EPS15L1: variants seen among roughly 807,000 people sequenced by gnomAD.
The protein encoded by EPS15L1 is epidermal growth factor receptor pathway substrate 15 like 1.
In EPS15L1, 43 loss-of-function variants were observed where a neutral mutation model predicts 117.1. The ratio of observed to expected loss-of-function variants is 0.37; its 90% CI spans 0.29 to 0.47. EPS15L1 has a LOEUF of 0.47. Ranked by LOEUF, EPS15L1 falls within the 20% of genes least tolerant of loss-of-function variation. EPS15L1 has a pLI of 0.99. For missense variants in EPS15L1, 981 were observed against 1,164.0 expected (o/e 0.84, Z 2.29); for synonymous variants, 459 against 470.5 (o/e 0.98, Z 0.32).
intron 13 of EPS15L1, among the ~76,000 whole-genome samples, chr19:16,408,382 T>C (rs923949019): frequency 3.3e-5 from 5 of 152,094 alleles, no homozygotes; most frequent in African/African-American, 1.2e-4. Context: ...CCAGCACTTT[T>C]GGAGGCCAAG....
At chr19:16,423,297 T>C (rs905839866) in intron 9 of EPS15L1, among the ~76,000 whole-genome samples, 1 of 152,044 alleles carries the variant, frequency 6.6e-6, no homozygotes, top group African/African-American at 2.4e-5. Context: ...CCAGGCACAG[T>C]GCTCATGCCT....
At chr19:16,414,156 T>C (rs949506771) in intron 12 of EPS15L1, among the ~76,000 whole-genome samples, 8 of 152,048 alleles carry the variant, frequency 5.3e-5, no homozygotes, top group African/African-American at 1.7e-4. Context: ...TTGCTGACTT[T>C]GAAGGTGGAG....
Position 16,471,904 on chromosome 19 carries a change from G to A in EPS15L1, c.33+9C>T. 7.7e-7 allele frequency: 1 copy of A among 1,300,554 alleles called. No individual in the cohort carries two copies. The highest frequency in any genetic ancestry group is 9.8e-7 in the Non-Finnish European group (1 of 1,024,852). 80.6% of individuals were successfully genotyped at this position (1,300,554 alleles called of 1,614,324 possible). On this transcript the variant is annotated intron_variant, in intron 1 of 23. Transcript: ENST00000455140. This position sits in a 1 kb window ranked among gnomAD's most constrained non-coding sequence, Gnocchi z 4.8. ...CCCGGCGCCGCCCCCAGGCCCGCCC[G>A]GCCCGTACCTGCTGGGAGAGGGGGA...
chr19:16,421,070 G>A (rs920523894), intron 10 of EPS15L1, among the ~76,000 whole-genome samples: 3 of 152,252 alleles, frequency 2.0e-5, no homozygotes, highest in African/African-American at 7.2e-5. Flanking sequence ...TGGCCTGGGA[G>A]CACTTAAGAC....
intron 13 of EPS15L1, among the ~76,000 whole-genome samples, chr19:16,410,591 T>G (rs1040454469): frequency 5.3e-5 from 8 of 151,954 alleles, no homozygotes; most frequent in African/African-American, 1.9e-4. Flanking sequence ...AAAACATCTA[T>G]CAATGAGGGA....
At chr19:16,361,302 C>G (rs2092047230) in intron 23 of EPS15L1, among the ~76,000 whole-genome samples, 1 of 151,932 alleles carries the variant, frequency 6.6e-6, no homozygotes, top group South Asian at 2.1e-4. Flanking sequence ...CGCGATCTGC[C>G]TGAAGTCCTT....
chr19:16,362,473 G>C (rs1299404814), intron 22 of EPS15L1, among the ~76,000 whole-genome samples: 1 of 148,792 alleles, frequency 6.7e-6, no homozygotes, highest in African/African-American at 2.5e-5. Flanking sequence ...TTAGTTATAA[G>C]GGTCTGCACA....
At chr19:16,397,481 G>A (rs1417992990) in intron 16 of EPS15L1, among the ~76,000 whole-genome samples, 3 of 151,782 alleles carry the variant, frequency 2.0e-5, no homozygotes. Context: ...GAAGAAAACT[G>A]TAAAGAGCCA....
chr19:16,392,474 T>C, intron 18 of EPS15L1, 34 bp from the exon 19 acceptor site: 2 of 1,597,780 alleles, frequency 1.3e-6, no homozygotes, highest in Non-Finnish European at 1.7e-6. Flanking sequence ...GTAAACATTA[T>C]ACCAAGTGAA....
chr19:16,380,591 G>A (rs1339178575), intron 21 of EPS15L1, among the ~76,000 whole-genome samples: 1 of 152,170 alleles, frequency 6.6e-6, no homozygotes, highest in Non-Finnish European at 1.5e-5. Flanking sequence ...TCACACAGAC[G>A]CAGCCATCTA....
At chr19:16,361,722 A>T in intron 23 of EPS15L1, 57 bp downstream of exon 23, 1 of 1,542,148 alleles carries the variant, frequency 6.5e-7, no homozygotes, top group Non-Finnish European at 8.7e-7. Flanking sequence ...CAAAAATCCC[A>T]GGGAAGCTGC....
In EPS15L1 at chr19:16,425,166, G is replaced by A. The variant is rs147243735; in HGVS notation, c.709C>T (p.Arg237Cys). The A allele has an allele frequency of 9.9e-6, 16 of 1,613,626 alleles. No homozygotes were observed. Among genetic ancestry groups the A allele is most frequent in the African/African-American group, 4.0e-5 (3 of 74,920 alleles). ...PASPPPKDSL[R>C]STPSHGSVSS... Reference sequence around the variant, plus strand: ...ACGCTGCCGTGGGACGGCGTGGAGCGGAGGCTGTCTTTTGGTGGGGGGCTG... The same window carrying A: ...ACGCTGCCGTGGGACGGCGTGGAGCAGAGGCTGTCTTTTGGTGGGGGGCTG... The change falls in exon 9 of 24, where the codon CGC becomes TGC. Residue 237 changes from arginine (R) to cysteine (C), a missense_variant. By Grantham distance (180) the Arg-to-Cys change is radical. Transcript: ENST00000455140.
intron 1 of EPS15L1, among the ~76,000 whole-genome samples, chr19:16,444,323 G>GTA (rs1184460118): frequency 2.0e-5 from 3 of 152,284 alleles, no homozygotes; most frequent in East Asian, 3.9e-4. Flanking sequence ...AGGTAAGTGT[G>GTA]TATAGCAACA....
intron 3 of EPS15L1, 169 bp from the exon 4 acceptor site, chr19:16,441,078 CA>C (rs1395569560): frequency 2.9e-6 from 2 of 695,902 alleles, no homozygotes; most frequent in Non-Finnish European, 5.2e-6. Context: ...ATGATCTGCC[CA>C]GGGGCGCACA....
intron 9 of EPS15L1, among the ~76,000 whole-genome samples, chr19:16,423,514 G>T (rs1446653965): frequency 6.6e-6 from 1 of 152,062 alleles, no homozygotes; most frequent in Non-Finnish European, 1.5e-5. Flanking sequence ...AGATAGCAAT[G>T]AGCCGTGATT....
chr19:16,454,179 C>G (rs1293223705), intron 1 of EPS15L1, among the ~76,000 whole-genome samples: 1 of 152,194 alleles, frequency 6.6e-6, no homozygotes, highest in Non-Finnish European at 1.5e-5. Context: ...CTGGAAACAG[C>G]AGAGGACTGG....
intron 19 of EPS15L1, 141 bp from the exon 20 acceptor site, chr19:16,386,372 G>A (rs1472542681): frequency 1.4e-6 from 1 of 693,000 alleles, no homozygotes; most frequent in African/African-American, 1.8e-5. Context: ...ACTCAACCCA[G>A]GCAGAGTAAA....
intron 16 of EPS15L1, chr19:16,401,251 T>TC (rs2092598237): frequency 1.0e-6 from 1 of 985,340 alleles, no homozygotes; most frequent in African/African-American, 1.7e-5. Flanking sequence ...AGCAGTGCCT[T>TC]CCCAGCAGCC....
At position 16,383,281 on chromosome 19, in the gene EPS15L1, G is replaced by GGACA. The variant is rs2092382569; in HGVS notation, c.2247+1844_2247+1847dup. The GGACA allele has an allele frequency of 6.6e-6, 1 of 152,212 alleles. No homozygotes were observed. Among genetic ancestry groups the GGACA allele is most frequent in the Admixed American group, 6.5e-5 (1 of 15,276 alleles). 9.4% of individuals were successfully genotyped at this position (152,212 alleles called of 1,614,324 possible). On this transcript the variant is annotated intron_variant, in intron 21 of 23. Transcript: ENST00000455140. This position sits in a 1 kb window ranked among gnomAD's most constrained non-coding sequence, Gnocchi z 5.2. ...AAGAGCCCCTGGTTTCAGGGCCCAAGGACAGGCAGAGGGCGGTCATTAGAT... is the reference window on the plus strand; with the variant it reads ...AAGAGCCCCTGGTTTCAGGGCCCAAGGACAGACAGGCAGAGGGCGGTCATTAGAT...
Sources: allele counts gnomAD v4.1 joint callset (sites outside exome capture counted in the v4.1 genomes callset), GRCh38; gene constraint gnomAD v4.1.1; non-coding constraint Gnocchi (gnomAD v3.1); transcripts MANE v1.5; gene names NCBI Gene and HGNC (gene_info 2026-07-23, HGNC 2026-07-21).